The following ARRDC5 variants were observed in gnomAD, a reference collection of about 807,000 sequenced individuals.
The protein encoded by ARRDC5 is arrestin domain-containing protein 5.
In ARRDC5, 12 loss-of-function variants were observed where a neutral mutation model predicts 13.3. The ratio of observed to expected loss-of-function variants is 0.90; its 90% confidence interval spans 0.58 to 1.46. The LOEUF is 1.46. Among genes scored for constraint, ARRDC5 ranks in the 40% most tolerant of loss-of-function variants. ARRDC5 has a pLI of 0.00. For missense variants in ARRDC5, 406 were observed against 418.7 expected (o/e 0.97, Z 0.26); for synonymous variants, 181 against 173.4 (o/e 1.04, Z -0.34).
intron 2 of ARRDC5, among the ~76,000 whole-genome samples, chr19:4,893,058 G>A (rs1042915050): frequency 1.4e-5 from 2 of 147,096 alleles, no homozygotes; most frequent in Non-Finnish European, 3.0e-5. Flanking sequence ...AGCTGAGATC[G>A]CGCCACTGCA....
At chr19:4,910,879 C>G in the ARRDC5 span, 3 of 1,605,902 alleles carry the variant, frequency 1.9e-6, no homozygotes, top group Non-Finnish European at 2.6e-6. Flanking sequence ...CCCTCAGCGC[C>G]GACACCATGT....
chr19:4,913,978 AT>A, the ARRDC5 span, among the ~76,000 whole-genome samples: 2 of 150,958 alleles, frequency 1.3e-5, no homozygotes, highest in African/African-American at 4.9e-5. Flanking sequence ...TGCGCAGCTA[AT>A]TTTTTTTGTA....
rs180859907 is a variant in ARRDC5, at chr19:4,902,757, T to A, written c.69A>T (p.Ile23=). Reference sequence around the variant, plus strand: ...TCAGGGTTAAGATCACCTGCCCTTTTATGCTGGAGCCAGCCAGGTAGATTC... The same window carrying A: ...TCAGGGTTAAGATCACCTGCCCTTTAATGCTGGAGCCAGCCAGGTAGATTC... The part of the protein sequence containing the change: ...EDRIYLAGSS[I]KGQVILTLNS... The change falls in exon 1 of 3, where the codon ATA becomes ATT. Residue 23 remains isoleucine (I), a synonymous_variant. Transcript: ENST00000650722. 6.2e-7 allele frequency: 1 copy of A among 1,614,038 alleles called. No individual in the cohort carries two copies. The highest frequency in any genetic ancestry group is 1.7e-5 in the Admixed American group (1 of 60,000).
At position 4,891,204 on chromosome 19, in the gene ARRDC5, T is replaced by G. The variant is rs766783093; in HGVS notation, c.829A>C (p.Thr277Pro). The change falls in exon 3 of 3, where the codon ACT (threonine) becomes CCT (proline). Residue 277 changes from threonine to proline, a missense_variant. Thr to Pro is a conservative substitution (Grantham distance 38). Coordinates refer to ENST00000650722, the MANE Select transcript of ARRDC5 (RefSeq NM_001080523.3). The stretch of plus-strand genomic sequence containing the variant: ...ACGGTGGTGACCAGCTCGTAGCGAG[T>G]GTGCATGATCTCACCGTCCTGCGTG... ...SSTQDGEIMH[T>P]RYELVTTVHL... 1 of 1,613,656 alleles carries G rather than the reference T, an allele frequency of 6.2e-7. No individual in the cohort carries two copies.
At chr19:4,904,381 A>G (rs1029606782), upstream of ARRDC5, among the ~76,000 whole-genome samples, 9 of 152,004 alleles carry the variant, frequency 5.9e-5, no homozygotes, top group East Asian at 3.9e-4. Context: ...GGGTTTCATC[A>G]TGTTAGCCAG....
In ARRDC5 at chr19:4,891,058, A is replaced by T; in HGVS notation, c.975T>A (p.Asp325Glu). The T allele has an allele frequency of 6.2e-7, 1 of 1,611,140 alleles. No homozygotes were observed. Among genetic ancestry groups the T allele is most frequent in the East Asian group, 2.2e-5 (1 of 44,862 alleles). The change falls in exon 3 of 3, where the codon GAT becomes GAA. Residue 325 changes from aspartate to glutamate, a missense_variant. Asp to Glu is a conservative substitution (Grantham distance 45). Coordinates refer to ENST00000650722, the MANE Select transcript of ARRDC5 (RefSeq NM_001080523.3). ...SEDGVLPVNP[D>E]HQN ...AAAGTTCGGGCACTTAATTCTGGTG[A>T]TCTGGGTTCACGGGTAACACTCCGT... is the stretch of plus-strand genomic sequence containing the variant.
rs759955306 is a variant in ARRDC5 at position 4,902,831 on chromosome 19, G to T, written c.-6C>A. The T allele has an allele frequency of 1.2e-6, 2 of 1,613,840 alleles. No individual in the cohort carries two copies. Among genetic ancestry groups the T allele is most frequent in the East Asian group, 2.2e-5 (1 of 44,870 alleles). ...ATCGACTTCACCACAGACATGGGGG[G>T]TTGGGGGGTAGAGAGACATTCCTCT... is the stretch of plus-strand genomic sequence containing the variant. On this transcript the variant is annotated 5_prime_UTR_variant, in exon 1 of 3. Coordinates refer to ENST00000650722, the MANE Select transcript of ARRDC5 (RefSeq NM_001080523.3).
the ARRDC5 span, among the ~76,000 whole-genome samples, chr19:4,915,172 T>A: frequency 6.6e-6 from 1 of 152,210 alleles, no homozygotes; most frequent in Non-Finnish European, 1.5e-5. Context: ...AAGAGTCACT[T>A]GTCACAGTGA....
upstream of ARRDC5, chr19:4,903,375 C>G (rs976599288): frequency 6.4e-6 from 1 of 155,132 alleles, no homozygotes; most frequent in Admixed American, 6.2e-5. Flanking sequence ...TGTAGTGGCG[C>G]GATCTCGGCT....
chr19:4,900,149 T>C (rs866426544), intron 1 of ARRDC5, among the ~76,000 whole-genome samples: 17,918 of 133,244 alleles, frequency 0.13, 1,506 homozygotes, highest in Non-Finnish European at 0.21. Context: ...CTTTCTTTTT[T>C]TTTTTTTTTT....
At chr19:4,909,456 C>T in the ARRDC5 span, 2 of 654,624 alleles carry the variant, frequency 3.1e-6, no homozygotes, top group Non-Finnish European at 5.5e-6. Flanking sequence ...CGGCCTCCTG[C>T]GGCCCCGCAA....
intron 2 of ARRDC5, among the ~76,000 whole-genome samples, chr19:4,892,457 T>C (rs1429939077): frequency 6.6e-6 from 1 of 150,628 alleles, no homozygotes; most frequent in African/African-American, 2.4e-5. Flanking sequence ...CTTGACCTCC[T>C]GGACTCAAGT....
At chr19:4,905,812 C>T (rs938659120), upstream of ARRDC5, among the ~76,000 whole-genome samples, 2 of 152,112 alleles carry the variant, frequency 1.3e-5, no homozygotes, top group Admixed American at 6.6e-5. Flanking sequence ...CCACTGTGCC[C>T]GGCCAGTGTT....
intron 2 of ARRDC5, among the ~76,000 whole-genome samples, chr19:4,896,184 G>C (rs2031702295): frequency 6.6e-6 from 1 of 151,540 alleles, no homozygotes; most frequent in Admixed American, 6.6e-5. Context: ...GCATGGTGGT[G>C]CACATCTGTA....
chr19:4,905,668 C>A (rs974618843), upstream of ARRDC5, among the ~76,000 whole-genome samples: 1 of 152,068 alleles, frequency 6.6e-6, no homozygotes, highest in African/African-American at 2.4e-5. Flanking sequence ...TAGGCACGTG[C>A]CACCACATCT....
chr19:4,904,025 G>A (rs2032006414), upstream of ARRDC5, among the ~76,000 whole-genome samples: 1 of 151,890 alleles, frequency 6.6e-6, no homozygotes, highest in South Asian at 2.1e-4. Context: ...TGCCCAGGCT[G>A]GAGTGCAGTG....
At chr19:4,904,648 T>C (rs1476783668), upstream of ARRDC5, among the ~76,000 whole-genome samples, 2 of 152,166 alleles carry the variant, frequency 1.3e-5, no homozygotes, top group East Asian at 1.9e-4. Context: ...ATCTCCCCCA[T>C]TGGATGGGAA....
chr19:4,909,637 G>A, the ARRDC5 span: 1 of 578,726 alleles, frequency 1.7e-6, no homozygotes, highest in Non-Finnish European at 3.0e-6. Context: ...CAGACAAGCT[G>A]TTCGCGGCGA....
chr19:4,911,919 A>T, the ARRDC5 span, among the ~76,000 whole-genome samples: 1 of 151,974 alleles, frequency 6.6e-6, no homozygotes. Context: ...AGCTGCGTGT[A>T]CCCCACTGTG....
Sources: allele counts gnomAD v4.1 joint callset (sites outside exome capture counted in the v4.1 genomes callset), GRCh38; gene constraint gnomAD v4.1.1; transcripts MANE v1.5; gene names NCBI Gene and HGNC (gene_info 2026-07-23, HGNC 2026-07-21).